NUP188: variants seen among roughly 807,000 people sequenced by gnomAD.
The protein encoded by NUP188 is nucleoporin 188, also known as nucleoporin NUP188.
A neutral mutation model predicts 223.0 loss-of-function variants in NUP188; 97 were observed. The observed-to-expected ratio is 0.43, with a 90% CI of 0.37 to 0.51. The LOEUF is 0.51. NUP188 is among the 20% of genes least tolerant of loss of function. NUP188 has a pLI of 0.00. For synonymous variants in NUP188, 869 were observed against 828.0 expected (o/e 1.05, Z -0.85); for missense variants, 1,947 against 2,175.6 (o/e 0.89, Z 2.09).
chr9:128,973,187 G>C lies in NUP188; in HGVS notation c.1141G>C (p.Val381Leu). The change falls in exon 12 of 44, where the codon GTC (valine) becomes CTC (leucine). Residue 381 changes from valine to leucine, a missense_variant. This residue lies in a region of NUP188 where 817 missense variants were observed against 865.8 expected (regional missense o/e 0.94). Transcript: ENST00000372577. ...CACCACCAGCACTGCATGCATGTGT[G>C]TCTATGGACTGCTCTCTTTCGTTCT... is the stretch of plus-strand genomic sequence containing the variant. ...DCTTSTACMCVYGLLSFVLTS... is the reference protein window; with the variant it reads ...DCTTSTACMCLYGLLSFVLTS... 6.2e-7 allele frequency: 1 copy of C among 1,613,596 alleles called. No homozygotes were observed. Among genetic ancestry groups the C allele is most frequent in the Non-Finnish European group, 8.5e-7 (1 of 1,179,838 alleles).
At chr9:128,952,154 T>C (rs1841798013) in intron 2 of NUP188, among the ~76,000 whole-genome samples, 1 of 152,020 alleles carries the variant, frequency 6.6e-6, no homozygotes, top group Admixed American at 6.6e-5. Context: ...CTGTAATCCC[T>C]GCACTTTGCT....
At chr9:128,976,215 TG>T (rs1399266680) in intron 12 of NUP188, among the ~76,000 whole-genome samples, 1 of 152,206 alleles carries the variant, frequency 6.6e-6, no homozygotes, top group Non-Finnish European at 1.5e-5. Flanking sequence ...CTAATAGCCT[TG>T]GTTATTTTTA....
Position 128,993,212 on chromosome 9 carries a change from G to A in NUP188, c.2656G>A (p.Val886Met). The change falls in exon 26 of 44, where the codon GTG becomes ATG. Residue 886 changes from valine to methionine, a missense_variant. Val to Met is a conservative substitution (Grantham distance 21). Transcript: ENST00000372577. ...KRLATVAPMS[V>M]YACLGNDAAA... ...TCTCCACCAGGTGGCCCCAATGTCA[G>A]TGTATGCTTGTCTGGGCAATGATGC... is the stretch of plus-strand genomic sequence containing the variant. 6.2e-7 allele frequency: 1 copy of A among 1,614,154 alleles called. No individual in the cohort carries two copies. Among genetic ancestry groups the A allele is most frequent in the Non-Finnish European group, 8.5e-7 (1 of 1,179,978 alleles).
In NUP188 at chr9:128,990,246, A is replaced by T. The variant is rs1299058386; in HGVS notation, c.2640+20A>T. The T allele has an allele frequency of 2.5e-6, 4 of 1,568,718 alleles. No homozygotes were observed. The highest frequency in any genetic ancestry group is 2.6e-6 in the Non-Finnish European group (3 of 1,138,602). On this transcript the variant is annotated intron_variant, in intron 25 of 43. Transcript: ENST00000372577. ...GCCACGGTAGGATCGTACTTCATGC[A>T]CACACACTGTTTATATGAGGGTGTT... is the stretch of plus-strand genomic sequence containing the variant.
chr9:128,981,529 T>TA (rs1237816046), intron 15 of NUP188, 139 bp downstream of exon 15: 2 of 823,928 alleles, frequency 2.4e-6, no homozygotes, highest in Non-Finnish European at 3.8e-6. Context: ...TCTCCCACCT[T>TA]AGCCTCCCAA....
intron 25 of NUP188, among the ~76,000 whole-genome samples, chr9:128,990,451 C>T (rs563503467): frequency 3.9e-5 from 6 of 152,020 alleles, no homozygotes; most frequent in South Asian, 4.1e-4. Context: ...GAAAAGGCTG[C>T]GTGCGGTGGC....
chr9:128,950,460 A>G (rs906668319), intron 2 of NUP188, among the ~76,000 whole-genome samples: 7 of 152,136 alleles, frequency 4.6e-5, no homozygotes, highest in African/African-American at 1.7e-4. Flanking sequence ...GCCTCAGGTG[A>G]TCTGCCCACC....
intron 1 of NUP188, chr9:128,948,086 C>A: frequency 4.0e-6 from 1 of 249,152 alleles, no homozygotes; most frequent in Non-Finnish European, 7.6e-6. Context: ...CGTGACGCTC[C>A]CTCGAGCCAC....
chr9:128,962,493 C>T (rs545531398), intron 8 of NUP188, among the ~76,000 whole-genome samples: 275 of 152,144 alleles, frequency 1.8e-3, no homozygotes, highest in African/African-American at 6.5e-3. Flanking sequence ...TCCTGACCCA[C>T]CCACCTCTGC....
chr9:128,984,533 GT>G (rs1332685361), intron 19 of NUP188, among the ~76,000 whole-genome samples: 1 of 152,150 alleles, frequency 6.6e-6, no homozygotes, highest in Non-Finnish European at 1.5e-5. Flanking sequence ...TTGGTGTCCC[GT>G]TATTAAGCCA....
At chr9:128,983,631 T>A (rs1408585864) in intron 19 of NUP188, 81 bp downstream of exon 19, 1 of 964,082 alleles carries the variant, frequency 1.0e-6, no homozygotes, top group Admixed American at 2.5e-5. Context: ...GTTTATTAAT[T>A]TTATTTTTAT....
chr9:128,988,852 G>A (rs560734633), intron 24 of NUP188, among the ~76,000 whole-genome samples: 2 of 148,602 alleles, frequency 1.3e-5, no homozygotes, highest in Admixed American at 6.9e-5. Flanking sequence ...TCAGCTTCCC[G>A]AGTAGCTGGG....
chr9:128,966,093 A>ACTCT (rs541624000), intron 8 of NUP188, among the ~76,000 whole-genome samples: 1 of 124,972 alleles, frequency 8.0e-6, no homozygotes, highest in South Asian at 2.5e-4. Context: ...CCGCGCCCGG[A>ACTCT]CTCTCTCTCT....
chr9:129,007,019 G>C lies in NUP188; in HGVS notation c.*341G>C, dbSNP rs185672116. The C allele has an allele frequency of 1.7e-4, 39 of 234,550 alleles. No homozygotes were observed. The highest frequency in any genetic ancestry group is 7.9e-4 in the African/African-American group (35 of 44,274). The allele number at this position is 234,550 out of a possible 1,614,324, so 14.5% of individuals were successfully genotyped here. On this transcript the variant is annotated 3_prime_UTR_variant, in exon 44 of 44. Coordinates refer to ENST00000372577, the MANE Select transcript of NUP188 (RefSeq NM_015354.3). ...GGCTCTATGCACGGGTTTCAAACCT[G>C]TTTTCCACACTCTGTCTTTGCAGTT...
chr9:129,001,348 A>G (rs953652437), intron 34 of NUP188, among the ~76,000 whole-genome samples, 181 bp from the exon 35 acceptor site: 3 of 152,196 alleles, frequency 2.0e-5, no homozygotes, highest in East Asian at 1.9e-4. Context: ...GCTGCTGTTC[A>G]TTGAGAGCTG....
chr9:128,974,285 G>A (rs1341736334), intron 12 of NUP188, among the ~76,000 whole-genome samples: 1 of 151,408 alleles, frequency 6.6e-6, no homozygotes, highest in African/African-American at 2.4e-5. Context: ...TTCTCACCTC[G>A]GCTTCCCAAA....
intron 3 of NUP188, among the ~76,000 whole-genome samples, chr9:128,956,114 C>G (rs946132284): frequency 6.6e-6 from 1 of 151,024 alleles, no homozygotes; most frequent in African/African-American, 2.4e-5. Context: ...GTAATTTAAC[C>G]ACTTTTTTTT....
intron 27 of NUP188, 73 bp from the exon 28 acceptor site, chr9:128,994,300 G>C: frequency 2.0e-6 from 2 of 994,238 alleles, no homozygotes; most frequent in South Asian, 2.6e-5. Flanking sequence ...GACCACCAAA[G>C]GGAGCTTGAG....
intron 43 of NUP188, 45 bp from the exon 44 acceptor site, chr9:129,006,454 CAGT>C (rs762282883): frequency 6.2e-7 from 1 of 1,612,102 alleles, no homozygotes; most frequent in African/African-American, 1.3e-5. Flanking sequence ...AGGGTCAGAA[CAGT>C]AGCCAGATGT....
Sources: gnomAD v4.1 joint callset for allele counts (sites outside exome capture counted in the v4.1 genomes callset) on GRCh38, gnomAD v4.1.1 for gene constraint, gnomAD v4.1.1 regional missense constraint, MANE v1.5 for transcripts, NCBI Gene and HGNC (gene_info 2026-07-23, HGNC 2026-07-21) for gene names.